Variants in SLC22A11 observed in about 807,000 individuals in gnomAD.
SLC22A11 encodes the protein organic anion transporter 4.
A neutral mutation model predicts 49.4 loss-of-function variants in SLC22A11; 42 were observed. That is an observed-to-expected ratio of 0.85 (90% CI 0.66 to 1.10). The LOEUF is 1.10. Among genes scored for constraint, SLC22A11 ranks in the 50% least tolerant of loss-of-function variants. The probability of loss-of-function intolerance (pLI) is 0.00; values close to 1 mark genes in which losing one functional copy is unlikely to be tolerated. For synonymous variants in SLC22A11, 304 were observed against 315.8 expected, an observed-to-expected ratio of 0.96 and a Z score of 0.40; for missense variants, 685 against 731.6, an observed-to-expected ratio of 0.94 and a Z score of 0.74.
At chr11:64,563,693 G>C (rs1208505342) in intron 4 of SLC22A11, among the ~76,000 whole-genome samples, 1 of 150,298 alleles carries the variant, frequency 6.7e-6, no homozygotes, top group African/African-American at 2.5e-5. Context: ...GCTGAGGCAG[G>C]TGGATCACAA....
Position 64,560,434 on chromosome 11 carries a change from G to A in SLC22A11, c.497+1196G>A, listed in dbSNP as rs76875160. Among the ~76,000 whole-genome samples, 1,218 of 152,172 alleles carry A rather than the reference G, an allele frequency of 8.0e-3. 20 individuals are homozygous for A. The highest frequency in any genetic ancestry group is 0.028 in the African/African-American group (1,164 of 41,514). Reference sequence around the variant, plus strand: ...CCTTCCTGCCTACCCCCTGCCCTGCGCTGGGCTTCCATCCACCCCCAGCTC... The same window carrying A: ...CCTTCCTGCCTACCCCCTGCCCTGCACTGGGCTTCCATCCACCCCCAGCTC... On this transcript the variant is annotated intron_variant, in intron 2 of 9. Transcript: ENST00000301891.
chr11:64,560,245 C>T (rs1339233718), intron 2 of SLC22A11, among the ~76,000 whole-genome samples: 1 of 152,124 alleles, frequency 6.6e-6, no homozygotes, highest in Non-Finnish European at 1.5e-5. Context: ...GCCTGAGCCA[C>T]CATCTCCTCT....
Position 64,570,996 on chromosome 11 carries a change from A to G in SLC22A11, c.1607A>G (p.Gln536Arg). Residue 536 changes from glutamine to arginine, a missense_variant, in exon 10 of 10, where the codon CAG (glutamine) becomes CGG (arginine). Physicochemically the swap from Gln to Arg is conservative, Grantham distance 43. Coordinates refer to ENST00000301891, the MANE Select transcript of SLC22A11 (RefSeq NM_018484.4). Reference protein sequence around the residue: ...DLESQKSTAAQGNRQEAVTVE... With the variant: ...DLESQKSTAARGNRQEAVTVE... ...TATTCTAGGAAATCAACAGCAGCCC[A>G]GGGCAACCGGCAAGAGGCCGTCACT... 1 of 1,614,254 alleles carries G rather than the reference A, an allele frequency of 6.2e-7. No homozygotes were observed. The highest frequency in any genetic ancestry group is 1.7e-4 in the Middle Eastern group (1 of 6,060).
Position 64,561,648 on chromosome 11 carries a change from T to G in SLC22A11, c.498-356T>G, listed in dbSNP as rs186819917. ...ATTTATTTATTTATTTATTTATTTA[T>G]TTAGTAGAGACTGAGGTCTCACTAT... On this transcript the variant is annotated intron_variant, in intron 2 of 9. Coordinates refer to ENST00000301891, the MANE Select transcript of SLC22A11 (RefSeq NM_018484.4). 8.4e-5 allele frequency among the ~76,000 whole-genome samples: 12 copies of G among 142,028 alleles called. No homozygotes were observed. In the East Asian group the frequency reaches 2.8e-3, roughly 33 times the overall value. The allele number at this position is 142,028 out of a possible 152,430, so 93.2% of individuals were successfully genotyped here. A position where few individuals can be genotyped will look rare whatever the true frequency, so the allele number is the denominator to read the frequency against.
intron 2 of SLC22A11, among the ~76,000 whole-genome samples, chr11:64,560,026 C>T (rs538449319): frequency 2.0e-5 from 3 of 150,938 alleles, no homozygotes; most frequent in African/African-American, 7.3e-5. Context: ...CCTCCTGCCT[C>T]TCTTCCTGTT....
chr11:64,565,800 C>T lies in SLC22A11; in HGVS notation c.1058+463C>T. ...CTTCACTGATGGGGAAAGAGGATCC[C>T]AGAGGGGTAAGGAACAAGCCCAAAA... On this transcript the variant is annotated intron_variant, in intron 6 of 9. Coordinates refer to ENST00000301891, the MANE Select transcript of SLC22A11 (RefSeq NM_018484.4). This position sits in a 1 kb window ranked among gnomAD's most constrained non-coding sequence, Gnocchi z 4.1. 2.9e-6 allele frequency: 1 copy of T among 339,404 alleles called. No homozygotes were observed. The highest frequency in any genetic ancestry group is 2.3e-5 in the South Asian group (1 of 42,694). The allele number at this position is 339,404 out of a possible 1,614,324, so 21.0% of individuals were successfully genotyped here. A position where few individuals can be genotyped will look rare whatever the true frequency, so the allele number is the denominator to read the frequency against.
Position 64,564,624 on chromosome 11 carries a change from C to T in SLC22A11, c.942+196C>T, listed in dbSNP as rs145897354. 2.0e-5 allele frequency among the ~76,000 whole-genome samples: 3 copies of T among 151,970 alleles called. No homozygotes were observed. Among genetic ancestry groups the T allele is most frequent in the Admixed American group, 1.3e-4 (2 of 15,256 alleles). ...CCACCACCACCACCAATCCCGATAC[C>T]ATCACCAACAGCACCACCACTGTCC... On this transcript the variant is annotated intron_variant, in intron 5 of 9. Coordinates refer to ENST00000301891, the MANE Select transcript of SLC22A11 (RefSeq NM_018484.4). This position sits in a 1 kb window ranked among gnomAD's most constrained non-coding sequence, Gnocchi z 4.2.
intron 2 of SLC22A11, among the ~76,000 whole-genome samples, chr11:64,560,537 A>G (rs749994927): frequency 2.6e-5 from 4 of 152,002 alleles, no homozygotes; most frequent in Admixed American, 6.6e-5. Flanking sequence ...GCTCTTGCCT[A>G]TGCTGCTTTG....
chr11:64,562,227 G>A lies in SLC22A11; in HGVS notation c.653-40G>A, dbSNP rs747295760. ...GGCAGGAGAGAATGGGGCTCAGGCC[G>A]CCGCATGAGGCCTCACCTGCACGTG... On this transcript the variant is annotated intron_variant, in intron 3 of 9. Transcript: ENST00000301891. The surrounding 1 kb of genome is among the most constrained non-coding windows in gnomAD (Gnocchi z 4.4). 2.0e-5 allele frequency: 32 copies of A among 1,599,200 alleles called. 1 individual carries two copies. The highest frequency in any genetic ancestry group is 1.1e-4 in the South Asian group (10 of 89,764).
Position 64,571,780 on chromosome 11 carries a change from C to G in SLC22A11, c.*738C>G, listed in dbSNP as rs1412058611. 6.6e-6 allele frequency: 1 copy of G among 152,436 alleles called. No individual in the cohort carries two copies. The highest frequency in any genetic ancestry group is 1.5e-5 in the Non-Finnish European group (1 of 68,188). The allele number at this position is 152,436 out of a possible 1,614,324, so 9.4% of individuals were successfully genotyped here. On this transcript the variant is annotated 3_prime_UTR_variant, in exon 10 of 10. Coordinates refer to ENST00000301891, the MANE Select transcript of SLC22A11 (RefSeq NM_018484.4). ...AGGAGGCTGGCAGCAGGTTACCACA[C>G]ACGTGCGCAGAGCCCACGAAGATGA...
At chr11:64,568,114 C>T (rs759059029) in intron 7 of SLC22A11, among the ~76,000 whole-genome samples, 1 of 152,268 alleles carries the variant, frequency 6.6e-6, no homozygotes, top group Non-Finnish European at 1.5e-5. Flanking sequence ...GGCCGGGGCC[C>T]TGCAGGCTGC....
In SLC22A11 at chr11:64,559,586, A is replaced by G. The variant is rs1360720813; in HGVS notation, c.497+348A>G. Among the ~76,000 whole-genome samples the G allele has an allele frequency of 2.0e-5, 3 of 151,962 alleles. No individual in the cohort carries two copies. In the East Asian group the frequency reaches 5.8e-4, roughly 29 times the overall value. On this transcript the variant is annotated intron_variant, in intron 2 of 9. Transcript: ENST00000301891. ...TGCCTCAAAGTTGTCCTGGCTCCCC[A>G]TCCTCCTCTCCTCTGTCCTTTGTCC...
chr11:64,569,253 T>G (rs1370819934), intron 8 of SLC22A11, among the ~76,000 whole-genome samples: 3 of 152,144 alleles, frequency 2.0e-5, no homozygotes, highest in African/African-American at 7.2e-5. Flanking sequence ...AGCAGAAGGG[T>G]AGGACTGGAC....
chr11:64,570,487 G>A (rs2038688332), intron 9 of SLC22A11, among the ~76,000 whole-genome samples: 1 of 152,180 alleles, frequency 6.6e-6, no homozygotes, highest in African/African-American at 2.4e-5. Flanking sequence ...TTTAAGGGAA[G>A]TATTATTTTA....
rs2135426073 is a variant in SLC22A11, at chr11:64,567,817, A to G, written c.1273+4A>G. On this transcript the variant is annotated splice_donor_region_variant and intron_variant, in intron 7 of 9. Transcript: ENST00000301891. Reference sequence around the variant, plus strand: ...GCCAACATGCTGGTGCCGCAAGGTGAGGCAGGCGGACTGGGCGGTGGGACC... The same window carrying G: ...GCCAACATGCTGGTGCCGCAAGGTGGGGCAGGCGGACTGGGCGGTGGGACC... The G allele has an allele frequency of 6.3e-7, 1 of 1,576,750 alleles. No homozygotes were observed. Among genetic ancestry groups the G allele is most frequent in the Non-Finnish European group, 8.6e-7 (1 of 1,163,818 alleles).
At position 64,559,249 on chromosome 11, in the gene SLC22A11, C is replaced by T. The variant is rs1181580075; in HGVS notation, c.497+11C>T. 3 of 1,560,710 alleles carry T rather than the reference C, an allele frequency of 1.9e-6. No individual in the cohort carries two copies. In the East Asian group the frequency reaches 7.0e-5, roughly 37 times the overall value. On this transcript the variant is annotated intron_variant, in intron 2 of 9. Transcript: ENST00000301891. ...CCTCCTCTCCTACCGGTGAGTGCCTCCGCTCCTCCCAGCCCCCAGCTCCCT... is the reference window on the plus strand; with the variant it reads ...CCTCCTCTCCTACCGGTGAGTGCCTTCGCTCCTCCCAGCCCCCAGCTCCCT...
chr11:64,569,143 G>A (rs557068035), intron 8 of SLC22A11, among the ~76,000 whole-genome samples: 2 of 152,218 alleles, frequency 1.3e-5, no homozygotes, highest in South Asian at 4.2e-4. Flanking sequence ...GGAGCCCAAG[G>A]GCATCATAAA....
In SLC22A11 at chr11:64,568,101, G is replaced by A. The variant is rs184055020; in HGVS notation, c.1273+288G>A. ...GGCAGAAGGCCTGAGCGGGGACGGA[G>A]GCGGCCGGGGCCCTGCAGGCTGCAG... On this transcript the variant is annotated intron_variant, in intron 7 of 9. Coordinates refer to ENST00000301891, the MANE Select transcript of SLC22A11 (RefSeq NM_018484.4). Among the ~76,000 whole-genome samples the A allele has an allele frequency of 1.9e-3, 296 of 152,380 alleles. 4 individuals are homozygous for A. Among genetic ancestry groups the A allele is most frequent in the Non-Finnish European group, 4.0e-4 (27 of 68,024 alleles).
At chr11:64,570,558 T>C (rs1190067116) in intron 9 of SLC22A11, among the ~76,000 whole-genome samples, 5 of 152,222 alleles carry the variant, frequency 3.3e-5, no homozygotes. Context: ...TATTGTGTCC[T>C]GGGTGACTGT....
Sources: allele counts gnomAD v4.1 joint callset (sites outside exome capture counted in the v4.1 genomes callset), GRCh38; gene constraint gnomAD v4.1.1; non-coding constraint Gnocchi (gnomAD v3.1); transcripts MANE v1.5; gene names NCBI Gene and HGNC (gene_info 2026-07-23, HGNC 2026-07-21).